The following ANK3 variants were observed in gnomAD, a reference collection of about 807,000 sequenced individuals.
The protein encoded by ANK3 is ankyrin 3.
ANK3 carries 57 observed loss-of-function variants against 370.9 expected under a neutral mutation model. That is an observed-to-expected ratio of 0.15 (90% CI 0.12 to 0.19). The LOEUF (loss-of-function observed/expected upper bound fraction) is 0.19. ANK3 is among the 10% of genes least tolerant of loss of function. ANK3 has a pLI of 1.00. For missense variants in ANK3, 4,439 were observed against 5,302.1 expected (o/e 0.84, Z 5.06); for synonymous variants, 1,929 against 1,946.3 (o/e 0.99, Z 0.23).
chr10:60,728,322 T>C (rs955540476), intron 1 of ANK3, among the ~76,000 whole-genome samples: 1 of 152,198 alleles, frequency 6.6e-6, no homozygotes, highest in Non-Finnish European at 1.5e-5. Context: ...TGACATGTCA[T>C]CTTACCACTT....
intron 1 of ANK3, among the ~76,000 whole-genome samples, chr10:60,697,476 A>T (rs2079477222): frequency 6.6e-6 from 1 of 151,080 alleles, no homozygotes; most frequent in African/African-American, 2.4e-5. Flanking sequence ...ACAAAGCTGG[A>T]GGCATCACGC....
chr10:60,681,754 A>C (rs772735085), intron 1 of ANK3, among the ~76,000 whole-genome samples: 2 of 152,246 alleles, frequency 1.3e-5, no homozygotes, highest in African/African-American at 4.8e-5. Flanking sequence ...CGACTTGGAC[A>C]TGGAAGTAAG....
rs72807917 is a variant in ANK3, at chr10:60,474,148, T to G, written c.96+141038A>C. Among the ~76,000 whole-genome samples the G allele has an allele frequency of 5.3e-3, 800 of 151,950 alleles. 4 individuals carry two copies. Among genetic ancestry groups the G allele is most frequent in the South Asian group, 0.012 (59 of 4,816 alleles). On this transcript the variant is annotated intron_variant, in intron 2 of 43. Transcript: ENST00000373827. ...ACCCTATCTCTAATAAATAATAAAT[T>G]AATAAATTAAATAAATATTTCCAAA...
chr10:60,642,667 T>C (rs959165674), intron 1 of ANK3, among the ~76,000 whole-genome samples: 11 of 151,862 alleles, frequency 7.2e-5, no homozygotes, highest in African/African-American at 2.2e-4. Flanking sequence ...TTAGGAGATA[T>C]ACCTAATGCT....
intron 25 of ANK3, among the ~76,000 whole-genome samples, chr10:60,122,168 G>T (rs1367912115): frequency 6.6e-6 from 1 of 152,208 alleles, no homozygotes; most frequent in Non-Finnish European, 1.5e-5. Flanking sequence ...CAACCCAGTT[G>T]TGTAACTATG....
At chr10:60,430,558 A>G (rs1229331418) in intron 2 of ANK3, among the ~76,000 whole-genome samples, 1 of 152,216 alleles carries the variant, frequency 6.6e-6, no homozygotes, top group Non-Finnish European at 1.5e-5. Flanking sequence ...AGGGGGTGCT[A>G]TCAATAACTG....
chr10:60,311,970 C>A (rs1204299646), intron 1 of ANK3, among the ~76,000 whole-genome samples: 3 of 152,112 alleles, frequency 2.0e-5, no homozygotes, highest in African/African-American at 7.2e-5. Context: ...AATTTTAGTT[C>A]TTAAAAGCAG....
At chr10:60,265,262 C>A (rs1003959299) in intron 5 of ANK3, among the ~76,000 whole-genome samples, 6 of 152,220 alleles carry the variant, frequency 3.9e-5, no homozygotes, top group Non-Finnish European at 7.3e-5. Flanking sequence ...CTCCCCATTA[C>A]TCCCAGTTCC....
chr10:60,261,877 A>C lies in ANK3; in HGVS notation c.780T>G (p.Ala260=), dbSNP rs781764890. Reference sequence around the variant, plus strand: ...CTCTTACCCTTGCGGTGAAATCCACAGCAGCCGCTCGGTTTAACAGCAACG... The same window carrying C: ...CTCTTACCCTTGCGGTGAAATCCACCGCAGCCGCTCGGTTTAACAGCAACG... The part of the protein sequence containing the change: ...VATLLLNRAA[A]VDFTARNDIT... The change falls in exon 7 of 44, where the codon GCT becomes GCG. Residue 260 remains alanine (A), a synonymous_variant. Coordinates refer to ENST00000280772, the MANE Select transcript of ANK3 (RefSeq NM_020987.5). 4 of 1,613,962 alleles carry C rather than the reference A, an allele frequency of 2.5e-6. No homozygotes were observed. Among genetic ancestry groups the C allele is most frequent in the East Asian group, 4.5e-5 (2 of 44,892 alleles).
At chr10:60,500,241 A>T (rs1298579938) in intron 2 of ANK3, among the ~76,000 whole-genome samples, 2 of 152,132 alleles carry the variant, frequency 1.3e-5, no homozygotes, top group African/African-American at 4.8e-5. Context: ...GGCCTTACTA[A>T]CTAAATTTTC....
chr10:60,428,625 T>C (rs990481926), intron 2 of ANK3, among the ~76,000 whole-genome samples: 6 of 152,188 alleles, frequency 3.9e-5, no homozygotes, highest in South Asian at 4.1e-4. Flanking sequence ...AGAAACTGCA[T>C]TGGCATTGAA....
At chr10:60,717,063 G>T (rs1448473501) in intron 1 of ANK3, among the ~76,000 whole-genome samples, 1 of 152,092 alleles carries the variant, frequency 6.6e-6, no homozygotes, top group African/African-American at 2.4e-5. Context: ...TATTAAGCCG[G>T]TATTCCACAT....
At chr10:60,284,105 TAAG>T (rs1450031291) in intron 1 of ANK3, among the ~76,000 whole-genome samples, 3 of 151,968 alleles carry the variant, frequency 2.0e-5, no homozygotes. Context: ...GGTGACCTTA[TAAG>T]AAGAGAAGTC....
At chr10:60,128,020 G>A (rs750473788) in intron 25 of ANK3, among the ~76,000 whole-genome samples, 3 of 151,966 alleles carry the variant, frequency 2.0e-5, no homozygotes, top group Non-Finnish European at 4.4e-5. Flanking sequence ...TTTTATAATT[G>A]TTACTGAATA....
In ANK3 at chr10:60,059,652, T is replaced by A. The variant is rs1341375462; in HGVS notation, c.12596-222A>T. Reference sequence around the variant, plus strand: ...TTTTCTAGGCTCTGCTGGTTTAACATCTTTTGGGGACCCAGCCAAATTTCC... The same window carrying A: ...TTTTCTAGGCTCTGCTGGTTTAACAACTTTTGGGGACCCAGCCAAATTTCC... On this transcript the variant is annotated intron_variant, in intron 40 of 43. Transcript: ENST00000280772. The A allele has an allele frequency of 2.6e-6, 4 of 1,562,644 alleles. No individual in the cohort carries two copies. The Admixed American group carries it at 7.1e-5, about 28-fold the overall frequency.
intron 2 of ANK3, among the ~76,000 whole-genome samples, chr10:60,485,851 A>C (rs1472798792): frequency 1.3e-5 from 2 of 152,200 alleles, no homozygotes; most frequent in Non-Finnish European, 2.9e-5. Flanking sequence ...TGTAAATTTT[A>C]AAGTAATACA....
intron 1 of ANK3, among the ~76,000 whole-genome samples, chr10:60,697,921 A>G (rs987366251): frequency 1.3e-5 from 2 of 151,726 alleles, no homozygotes; most frequent in Admixed American, 6.6e-5. Flanking sequence ...AATTAAACTA[A>G]AGAGCTTCTG....
intron 43 of ANK3, among the ~76,000 whole-genome samples, chr10:60,036,045 A>C (rs1054381434): frequency 1.3e-5 from 2 of 152,144 alleles, no homozygotes; most frequent in African/African-American, 4.8e-5. Flanking sequence ...ACCTGTCATT[A>C]ACTGCACTCA....
At chr10:60,341,867 T>A (rs2054359517) in intron 1 of ANK3, among the ~76,000 whole-genome samples, 1 of 152,136 alleles carries the variant, frequency 6.6e-6, no homozygotes, top group African/African-American at 2.4e-5. Context: ...GGTTTTTTGT[T>A]ATAATATCAT....
Sources: allele counts gnomAD v4.1 joint callset (sites outside exome capture counted in the v4.1 genomes callset), GRCh38; gene constraint gnomAD v4.1.1; transcripts MANE v1.5; gene names NCBI Gene and HGNC (gene_info 2026-07-23, HGNC 2026-07-21).